Variants in ZNF704 observed in about 807,000 individuals in gnomAD.
ZNF704 encodes glucocorticoid induced gene 1.
In ZNF704, 10 loss-of-function variants were observed where a neutral mutation model predicts 44.7. That is an observed-to-expected ratio of 0.22 (90% CI 0.14 to 0.38). The LOEUF (loss-of-function observed/expected upper bound fraction) is 0.38. Ranked by LOEUF, ZNF704 falls within the 10% of genes least tolerant of loss-of-function variation. ZNF704 has a pLI of 1.00. For synonymous variants in ZNF704, 211 were observed against 207.6 expected (o/e 1.02, Z -0.14); for missense variants, 390 against 545.5 (o/e 0.71, Z 2.84).
At position 80,632,085 on chromosome 8, in the gene ZNF704, CTGT is replaced by C. The variant is rs1188484019; in HGVS notation, c.*9278_*9280del. The C allele has an allele frequency of 1.3e-5, 2 of 152,212 alleles. No individual in the cohort carries two copies. Among genetic ancestry groups the C allele is most frequent in the African/African-American group, 4.8e-5 (2 of 41,452 alleles). The allele number at this position is 152,212 out of a possible 1,614,324, so 9.4% of individuals were successfully genotyped here. On this transcript the variant is annotated 3_prime_UTR_variant, in exon 9 of 9. Coordinates refer to ENST00000327835, the MANE Select transcript of ZNF704 (RefSeq NM_001033723.3). Reference sequence around the variant, plus strand: ...GAATGGGGACTGTTCTCTTTTAAAGCTGTTTCTTGAGTGCTGGTTTTCCTCTTA... The same window carrying C: ...GAATGGGGACTGTTCTCTTTTAAAGCTTCTTGAGTGCTGGTTTTCCTCTTA...
intron 4 of ZNF704, among the ~76,000 whole-genome samples, chr8:80,682,736 G>T (rs56281109): frequency 0.04 from 6,161 of 152,314 alleles, 440 homozygotes; most frequent in African/African-American, 0.14. Flanking sequence ...GTGGGGGAGG[G>T]GGGAGGAGGA....
intron 1 of ZNF704, among the ~76,000 whole-genome samples, chr8:80,841,952 T>C (rs1808687737): frequency 6.6e-6 from 1 of 152,104 alleles, no homozygotes; most frequent in African/African-American, 2.4e-5. Flanking sequence ...CACTCCTTGT[T>C]TAGTTTTTTA....
chr8:80,872,738 A>C (rs1464315640), intron 1 of ZNF704, among the ~76,000 whole-genome samples: 3 of 152,176 alleles, frequency 2.0e-5, no homozygotes, highest in Non-Finnish European at 4.4e-5. Flanking sequence ...CTGAAGATAC[A>C]CAAACGGAAA....
chr8:80,705,049 A>G (rs191558079), intron 2 of ZNF704, among the ~76,000 whole-genome samples: 2 of 152,200 alleles, frequency 1.3e-5, no homozygotes, highest in Non-Finnish European at 2.9e-5. Context: ...TCACATTTGA[A>G]TTGGAGGACA....
intron 2 of ZNF704, among the ~76,000 whole-genome samples, chr8:80,716,624 C>A (rs748078932): frequency 1.3e-5 from 2 of 152,210 alleles, no homozygotes; most frequent in Non-Finnish European, 2.9e-5. Context: ...TGTCTAATTG[C>A]ATGTTCAGAA....
intron 7 of ZNF704, among the ~76,000 whole-genome samples, chr8:80,655,766 G>C (rs1399167962): frequency 2.6e-5 from 4 of 152,132 alleles, no homozygotes; most frequent in African/African-American, 9.7e-5. Flanking sequence ...AGGAAAAAAA[G>C]GCCTCTGGCT....
In ZNF704 at chr8:80,779,187, A is replaced by C. The variant is rs554950146; in HGVS notation, c.221+42187T>G. 6.5e-5 allele frequency among the ~76,000 whole-genome samples: 9 copies of C among 137,890 alleles called. No individual in the cohort carries two copies. The South Asian group carries it at 2.0e-3, about 31-fold the overall frequency. The allele number at this position is 137,890 out of a possible 152,430, so 90.5% of individuals were successfully genotyped here. A position where few individuals can be genotyped will look rare whatever the true frequency, so the allele number is the denominator to read the frequency against. ...TCCCATTTGTCTCTTTTTATCTTTTATGACATGACATTTAAAAAAAATTCC... is the reference window on the plus strand; with the variant it reads ...TCCCATTTGTCTCTTTTTATCTTTTCTGACATGACATTTAAAAAAAATTCC... On this transcript the variant is annotated intron_variant, in intron 2 of 8. Coordinates refer to ENST00000327835, the MANE Select transcript of ZNF704 (RefSeq NM_001033723.3).
chr8:80,866,846 T>C (rs1046845112), intron 1 of ZNF704, among the ~76,000 whole-genome samples: 13 of 152,152 alleles, frequency 8.5e-5, no homozygotes, highest in African/African-American at 2.7e-4. Flanking sequence ...AGGTTGGCCT[T>C]GAACTCCTGG....
chr8:80,735,547 T>C (rs1457911543), intron 2 of ZNF704, among the ~76,000 whole-genome samples: 1 of 152,142 alleles, frequency 6.6e-6, no homozygotes, highest in South Asian at 2.1e-4. Context: ...AGTGTCCAAA[T>C]CTAAGTAAAG....
rs1818160639 is a variant in ZNF704 at position 80,664,678 on chromosome 8, A to AG, written c.927+136dup. ...ATCTGTGTGAGATCTTAGGCTTTAA[A>AG]GGGAGAAAAATCAAAGCTACCGGGC... On this transcript the variant is annotated intron_variant, in intron 6 of 8. Transcript: ENST00000327835. The AG allele has an allele frequency of 3.8e-6, 4 of 1,052,168 alleles. No homozygotes were observed. The South Asian group carries it at 6.2e-5, about 16-fold the overall frequency. 65.2% of individuals were successfully genotyped at this position (1,052,168 alleles called of 1,614,324 possible).
At chr8:80,833,526 T>C (rs1180652174) in intron 1 of ZNF704, among the ~76,000 whole-genome samples, 1 of 152,226 alleles carries the variant, frequency 6.6e-6, no homozygotes, top group Non-Finnish European at 1.5e-5. Flanking sequence ...ACGGCAAATC[T>C]ATAGTCCTAA....
intron 6 of ZNF704, among the ~76,000 whole-genome samples, chr8:80,664,613 A>C (rs1310486750): frequency 1.3e-5 from 2 of 152,238 alleles, no homozygotes; most frequent in Non-Finnish European, 2.9e-5. Context: ...TCGAATCCAC[A>C]GGCAGCATTG....
intron 2 of ZNF704, among the ~76,000 whole-genome samples, chr8:80,785,275 T>C (rs913123205): frequency 2.6e-5 from 4 of 152,204 alleles, no homozygotes; most frequent in African/African-American, 9.7e-5. Context: ...CTATGGGTTT[T>C]TGGGAAGAAA....
intron 4 of ZNF704, among the ~76,000 whole-genome samples, chr8:80,671,859 G>T (rs959217568): frequency 6.6e-6 from 1 of 152,174 alleles, no homozygotes; most frequent in African/African-American, 2.4e-5. Flanking sequence ...CCCCCAGTCT[G>T]CTCTGCTGGC....
chr8:80,827,267 C>T (rs1808394159), intron 1 of ZNF704, among the ~76,000 whole-genome samples: 1 of 152,246 alleles, frequency 6.6e-6, no homozygotes, highest in South Asian at 2.1e-4. Flanking sequence ...CACAAGCATT[C>T]CTATACACCA....
chr8:80,724,419 T>A (rs1406936349), intron 2 of ZNF704, among the ~76,000 whole-genome samples: 2 of 152,202 alleles, frequency 1.3e-5, no homozygotes, highest in Non-Finnish European at 2.9e-5. Context: ...ACCATATACC[T>A]TTTCTTTAGT....
intron 7 of ZNF704, among the ~76,000 whole-genome samples, chr8:80,651,654 C>A (rs969235112): frequency 2.6e-5 from 4 of 152,258 alleles, no homozygotes; most frequent in African/African-American, 7.2e-5. Flanking sequence ...CAGGAGCAGC[C>A]AGATTCATAA....
chr8:80,656,059 G>A (rs998999375), intron 7 of ZNF704, among the ~76,000 whole-genome samples: 1 of 152,212 alleles, frequency 6.6e-6, no homozygotes, highest in Non-Finnish European at 1.5e-5. Flanking sequence ...GGTCATAAGG[G>A]TGGGGCCCTG....
chr8:80,826,706 TATCACAAA>T (rs1328602935), intron 1 of ZNF704, among the ~76,000 whole-genome samples: 1 of 152,118 alleles, frequency 6.6e-6, no homozygotes, highest in Non-Finnish European at 1.5e-5. Flanking sequence ...TCCAGCAGCA[TATCACAAA>T]GCTTATCCAC....
Sources: allele counts gnomAD v4.1 joint callset (sites outside exome capture counted in the v4.1 genomes callset), GRCh38; gene constraint gnomAD v4.1.1; transcripts MANE v1.5; gene names NCBI Gene and HGNC (gene_info 2026-07-23, HGNC 2026-07-21).